Variants in PTCH2 observed in about 807,000 individuals in gnomAD.
PTCH2 encodes the protein protein patched homolog 2.
A neutral mutation model predicts 117.9 loss-of-function variants in PTCH2; 96 were observed. That is an observed-to-expected ratio of 0.81 (90% CI 0.69 to 0.96). The LOEUF is 0.96. PTCH2 is among the 50% of genes least tolerant of loss of function. PTCH2 has a pLI of 0.00. For synonymous variants in PTCH2, 615 were observed against 660.9 expected (o/e 0.93, Z 1.06); for missense variants, 1,379 against 1,562.5 (o/e 0.88, Z 1.98).
In PTCH2 at chr1:44,831,839, C is replaced by T; in HGVS notation, c.526-42G>A. 1 of 1,599,994 alleles carries T rather than the reference C, an allele frequency of 6.3e-7. No individual in the cohort carries two copies. Among genetic ancestry groups the T allele is most frequent in the South Asian group, 1.1e-5 (1 of 90,772 alleles). ...GGGCCACGTCAGTCCTGCCCCACAA[C>T]CTTTGTAGGATGCCCTCTGCAATCC... On this transcript the variant is annotated intron_variant, in intron 4 of 21. Transcript: ENST00000372192. This position sits in a 1 kb window ranked among gnomAD's most constrained non-coding sequence, Gnocchi z 4.3.
intron 2 of PTCH2, among the ~76,000 whole-genome samples, chr1:44,837,844 C>T (rs1373833293): frequency 4.0e-5 from 6 of 151,392 alleles, no homozygotes; most frequent in Non-Finnish European, 5.9e-5. Context: ...TTTGGGAGGC[C>T]GAGGCGGGCG....
chr1:44,833,254 A>G (rs1234284949), intron 2 of PTCH2, among the ~76,000 whole-genome samples: 1 of 151,928 alleles, frequency 6.6e-6, no homozygotes, highest in Admixed American at 6.6e-5. Context: ...TGATGTGGGG[A>G]AGAGTGAGGG....
At chr1:44,840,923 G>A (rs140723719) in intron 2 of PTCH2, among the ~76,000 whole-genome samples, 5,588 of 150,748 alleles carry the variant, frequency 0.037, 138 homozygotes, top group Middle Eastern at 0.083. Context: ...AATTAGCTGG[G>A]TGTGGTGGCG....
Position 44,823,369 on chromosome 1 carries a change from T to G in PTCH2, c.3131A>C (p.Gln1044Pro), listed in dbSNP as rs1272745340. 6.2e-7 allele frequency: 1 copy of G among 1,614,076 alleles called. No homozygotes were observed. Among genetic ancestry groups the G allele is most frequent in the African/African-American group, 1.3e-5 (1 of 74,932 alleles). The change falls in exon 20 of 22, where the codon CAG becomes CCG. Residue 1044 changes from glutamine (Q) to proline (P), a missense_variant. Transcript: ENST00000372192. The surrounding 1 kb of genome is among the most constrained non-coding windows in gnomAD (Gnocchi z 5.1). ...VHVALGFLTT[Q>P]GSRNLRAAHA... ...GGCGGCCCGCAGGTTCCGGCTGCCCTGGGTGGTCAGGAAGCCCTAGGAAAA... is the reference window on the plus strand; with the variant it reads ...GGCGGCCCGCAGGTTCCGGCTGCCCGGGGTGGTCAGGAAGCCCTAGGAAAA...
rs770754446 is a variant in PTCH2 at position 44,841,881 on chromosome 1, A to G, written c.231T>C (p.Ile77=). 63 of 1,614,066 alleles carry G rather than the reference A, an allele frequency of 3.9e-5. No homozygotes were observed. The highest frequency in any genetic ancestry group is 5.2e-5 in the Non-Finnish European group (61 of 1,180,028). The change falls in exon 2 of 22, where the codon ATT becomes ATC. Residue 77 remains isoleucine, a synonymous_variant. Transcript: ENST00000372192. The part of the protein sequence containing the change: ...GALALGLRMA[I]IETNLEQLWV... ...AGAGCTGTTCCAAGTTTGTCTCAAT[A>G]ATGGCCATGCGGAGACCTAATGCCA...
At chr1:44,832,848 A>C (rs1211674013) in intron 2 of PTCH2, among the ~76,000 whole-genome samples, 1 of 152,164 alleles carries the variant, frequency 6.6e-6, no homozygotes, top group East Asian at 1.9e-4. Context: ...GCAGTGATTT[A>C]TATCCACACA....
chr1:44,823,414 C>T lies in PTCH2; in HGVS notation c.3115-29G>A. ...GGAAAACAGAGTGGTCCTGGAGCTG[C>T]TCCTCTGCCAGTCATGGCCAGCTCA... On this transcript the variant is annotated intron_variant, in intron 19 of 21. Transcript: ENST00000372192. This position sits in a 1 kb window ranked among gnomAD's most constrained non-coding sequence, Gnocchi z 5.1. 1.1e-5 allele frequency: 18 copies of T among 1,614,024 alleles called. No homozygotes were observed. The highest frequency in any genetic ancestry group is 1.5e-5 in the Non-Finnish European group (18 of 1,180,022).
chr1:44,842,096 T>C lies in PTCH2; in HGVS notation c.73-57A>G. 5 of 1,494,804 alleles carry C rather than the reference T, an allele frequency of 3.3e-6. No individual in the cohort carries two copies. The East Asian group carries it at 1.1e-4, about 34-fold the overall frequency. 92.6% of individuals were successfully genotyped at this position (1,494,804 alleles called of 1,614,324 possible). A position where few individuals can be genotyped will look rare whatever the true frequency, so the allele number is the denominator to read the frequency against. ...TCACTGCAACAATGCATGAAATCCTTCCCTTCTCACCCTGTATATCTGCTG... is the reference window on the plus strand; with the variant it reads ...TCACTGCAACAATGCATGAAATCCTCCCCTTCTCACCCTGTATATCTGCTG... On this transcript the variant is annotated intron_variant, in intron 1 of 21. Coordinates refer to ENST00000372192, the MANE Select transcript of PTCH2 (RefSeq NM_003738.5).
Position 44,829,661 on chromosome 1 carries a change from C to G in PTCH2, c.1036G>C (p.Glu346Gln), listed in dbSNP as rs11573578. 15 of 1,614,202 alleles carry G rather than the reference C, an allele frequency of 9.3e-6. No individual in the cohort carries two copies. In the Admixed American group the frequency reaches 2.3e-4, roughly 25 times the overall value. ...GCTTGTAGCACTGTGCTGGCCTGCT[C>G]CTCACTCCAGCCAATGTCATGTGTC... The part of the protein sequence containing the change: ...YQTHDIGWSE[E>Q]QASTVLQAWQ... The change falls in exon 8 of 22, where the codon GAG becomes CAG. Residue 346 changes from glutamate (E) to glutamine (Q), a missense_variant. Transcript: ENST00000372192.
intron 21 of PTCH2, 51 bp from the exon 22 acceptor site, chr1:44,822,720 TC>T: frequency 6.4e-7 from 1 of 1,569,754 alleles, no homozygotes; most frequent in South Asian, 1.1e-5. Flanking sequence ...GGGGCTCCCG[TC>T]CCCTTTAGCA....
Position 44,826,767 on chromosome 1 carries a change from G to A in PTCH2, c.2697C>T (p.Ile899=). ...KYDTTGENLR[I]PPAQPLEFAQ... Reference sequence around the variant, plus strand: ...CAAACTCCAAGGGCTGAGCTGGCGGGACTGTGGAGGGGAGGGGAAGGGAGA... The same window carrying A: ...CAAACTCCAAGGGCTGAGCTGGCGGAACTGTGGAGGGGAGGGGAAGGGAGA... The change falls in exon 18 of 22, where the codon ATC becomes ATT. Residue 899 remains isoleucine, a splice_region_variant and synonymous_variant. Coordinates refer to ENST00000372192, the MANE Select transcript of PTCH2 (RefSeq NM_003738.5). The surrounding 1 kb of genome is among the most constrained non-coding windows in gnomAD (Gnocchi z 5.1). The A allele has an allele frequency of 6.3e-7, 1 of 1,598,002 alleles. No homozygotes were observed. The highest frequency in any genetic ancestry group is 2.2e-5 in the East Asian group (1 of 44,634).
rs1372982478 is a variant in PTCH2 at position 44,827,477 on chromosome 1, G to A, written c.2296C>T (p.Leu766Phe). 2 of 1,613,924 alleles carry A rather than the reference G, an allele frequency of 1.2e-6. No individual in the cohort carries two copies. Among genetic ancestry groups the A allele is most frequent in the African/African-American group, 1.3e-5 (1 of 74,932 alleles). ...LFDLHQRFSS[L>F]KAVLPPPATQ... ...GCCGGTGGGGGCAGCACCGCCTTGA[G>A]GGAACTGAAGCGCTGGTGCAGATCA... The change falls in exon 15 of 22, where the codon CTC (leucine) becomes TTC (phenylalanine). Residue 766 changes from leucine to phenylalanine, a missense_variant. Leu to Phe is a conservative substitution (Grantham distance 22, BLOSUM62 0). Transcript: ENST00000372192.
chr1:44,827,981 C>T lies in PTCH2; in HGVS notation c.1920G>A (p.Gly640=). The T allele has an allele frequency of 3.7e-6, 6 of 1,614,194 alleles. No individual in the cohort carries two copies. The highest frequency in any genetic ancestry group is 5.1e-6 in the Non-Finnish European group (6 of 1,180,038). Residue 640 remains glycine, a synonymous_variant, in exon 14 of 22, where the codon GGG becomes GGA. Coordinates refer to ENST00000372192, the MANE Select transcript of PTCH2 (RefSeq NM_003738.5). ...PLGSELFSPG[G]STRDLLGQEE... is the part of the protein sequence containing the mutation. ...CCTGGCCTAGAAGGTCCCGTGTGGA[C>T]CCTCCAGGGCTGAAGAGCTCAGAGC...
downstream of PTCH2, chr1:44,820,102 C>G (rs1652853992): frequency 3.1e-6 from 1 of 324,196 alleles, no homozygotes; most frequent in South Asian, 2.4e-5. Flanking sequence ...AGTTTATGCA[C>G]ACAGATGCGT....
At chr1:44,830,678 A>C (rs972166769) in intron 6 of PTCH2, among the ~76,000 whole-genome samples, 170 bp downstream of exon 6, 2 of 151,788 alleles carry the variant, frequency 1.3e-5, no homozygotes, top group African/African-American at 4.8e-5. Flanking sequence ...CCGTAGGATA[A>C]CTGAATGGGA....
chr1:44,826,456 G>C lies in PTCH2; in HGVS notation c.2976+32C>G. On this transcript the variant is annotated intron_variant, in intron 18 of 21. Transcript: ENST00000372192. The surrounding 1 kb of genome is among the most constrained non-coding windows in gnomAD (Gnocchi z 5.1). ...GACAGGCTGGGCAGGGAAGGGTGGG[G>C]TGTCTCTGTCCCCACTCCTGCAAGC... 1.2e-6 allele frequency: 2 copies of C among 1,613,706 alleles called. No homozygotes were observed. Among genetic ancestry groups the C allele is most frequent in the Non-Finnish European group, 1.7e-6 (2 of 1,179,976 alleles).
At chr1:44,828,868 A>G in intron 11 of PTCH2, 114 bp downstream of exon 11, 4 of 1,280,116 alleles carry the variant, frequency 3.1e-6, no homozygotes, top group Non-Finnish European at 4.4e-6. Context: ...CCCTGTTTAC[A>G]GATGGGGACA....
In PTCH2 at chr1:44,826,845, G is replaced by C; in HGVS notation, c.2695+57C>G. On this transcript the variant is annotated intron_variant, in intron 17 of 21. Coordinates refer to ENST00000372192, the MANE Select transcript of PTCH2 (RefSeq NM_003738.5). The surrounding 1 kb of genome is among the most constrained non-coding windows in gnomAD (Gnocchi z 5.1). Reference sequence around the variant, plus strand: ...CGGGGCAGAGTGGGCAGGGCCTCAGGCTCAGGGCTTGTGTGGGCGAGGCTG... The same window carrying C: ...CGGGGCAGAGTGGGCAGGGCCTCAGCCTCAGGGCTTGTGTGGGCGAGGCTG... 6.2e-7 allele frequency: 1 copy of C among 1,612,170 alleles called. No homozygotes were observed. Among genetic ancestry groups the C allele is most frequent in the Non-Finnish European group, 8.5e-7 (1 of 1,178,606 alleles).
Position 44,823,514 on chromosome 1 carries a change from C to T in PTCH2, c.3115-129G>A, listed in dbSNP as rs1275947317. The stretch of plus-strand genomic sequence containing the variant: ...CACCAAAGGCTGGGTGAACTAAGTT[C>T]ATGGGAACTGTACAGGGAGCATGCG... On this transcript the variant is annotated intron_variant, in intron 19 of 21. Coordinates refer to ENST00000372192, the MANE Select transcript of PTCH2 (RefSeq NM_003738.5). This position sits in a 1 kb window ranked among gnomAD's most constrained non-coding sequence, Gnocchi z 5.1. 3.9e-6 allele frequency: 5 copies of T among 1,274,172 alleles called. No individual in the cohort carries two copies. The highest frequency in any genetic ancestry group is 5.6e-6 in the Non-Finnish European group (5 of 889,822). The allele number at this position is 1,274,172 out of a possible 1,614,324, so 78.9% of individuals were successfully genotyped here.
Sources: gnomAD v4.1 joint callset for allele counts (sites outside exome capture counted in the v4.1 genomes callset) on GRCh38, gnomAD v4.1.1 for gene constraint, Gnocchi (gnomAD v3.1) non-coding constraint, MANE v1.5 for transcripts, NCBI Gene and HGNC (gene_info 2026-07-23, HGNC 2026-07-21) for gene names.